GRM8: variants seen among roughly 807,000 people sequenced by gnomAD.
GRM8 encodes the protein glutamate metabotropic receptor 8.
In GRM8, 47 loss-of-function variants were observed where a neutral mutation model predicts 87.2. The observed-to-expected ratio is 0.54, with a 90% CI of 0.43 to 0.69. GRM8 has a LOEUF of 0.69. GRM8 is among the 30% of genes least tolerant of loss of function. GRM8 has a pLI of 0.00. For synonymous variants in GRM8, 396 were observed against 404.5 expected (o/e 0.98, Z 0.25); for missense variants, 1,019 against 1,139.2 (o/e 0.89, Z 1.52).
intron 3 of GRM8, among the ~76,000 whole-genome samples, chr7:127,077,253 A>G (rs1387911862): frequency 6.6e-6 from 1 of 152,204 alleles, no homozygotes; most frequent in Non-Finnish European, 1.5e-5. Context: ...GTGTTCAGCC[A>G]AGCAAATGTC....
At chr7:126,833,456 T>C (rs1034338935) in intron 6 of GRM8, among the ~76,000 whole-genome samples, 1 of 152,214 alleles carries the variant, frequency 6.6e-6, no homozygotes, top group African/African-American at 2.4e-5. Context: ...ATAGATCAGA[T>C]GGCTTAAATA....
At chr7:127,214,066 G>C (rs1389412767) in intron 2 of GRM8, among the ~76,000 whole-genome samples, 1 of 152,094 alleles carries the variant, frequency 6.6e-6, no homozygotes, top group Non-Finnish European at 1.5e-5. Flanking sequence ...TTCATATGTT[G>C]AGAGACAAAG....
rs1294094980 is a variant in GRM8 at position 127,053,799 on chromosome 7, G to GGT, written c.727+52696_727+52697insAC. On this transcript the variant is annotated intron_variant, in intron 3 of 10. Coordinates refer to ENST00000339582, the MANE Select transcript of GRM8 (RefSeq NM_000845.3). ...CGAGACTCTGTCTCAAAAAAAAAAA[G>GGT]GGGGGGGGGAATATACATTTCATCT... Among the ~76,000 whole-genome samples, 5 of 18,894 alleles carry GGT rather than the reference G, an allele frequency of 2.6e-4. 2 individuals are homozygous for GGT. The highest frequency in any genetic ancestry group is 7.6e-4 in the Non-Finnish European group (5 of 6,606). 12.4% of individuals were successfully genotyped at this position (18,894 alleles called of 152,430 possible).
intron 7 of GRM8, among the ~76,000 whole-genome samples, chr7:126,684,926 C>T (rs1231105324): frequency 6.6e-6 from 1 of 152,200 alleles, no homozygotes; most frequent in African/African-American, 2.4e-5. Context: ...TAATGTGTTA[C>T]TGATGGCAGC....
chr7:127,202,650 G>T (rs957514917), intron 2 of GRM8, among the ~76,000 whole-genome samples: 5 of 152,038 alleles, frequency 3.3e-5, no homozygotes, highest in East Asian at 1.9e-4. Flanking sequence ...ACTGGTAAAG[G>T]CTCTGAGACT....
chr7:126,912,156 C>T (rs1426222115), intron 3 of GRM8, among the ~76,000 whole-genome samples: 5 of 152,296 alleles, frequency 3.3e-5, no homozygotes, highest in African/African-American at 1.2e-4. Flanking sequence ...GAGATCCCGC[C>T]ACTGCACTCC....
intron 9 of GRM8, among the ~76,000 whole-genome samples, chr7:126,488,602 A>C (rs1421702159): frequency 1.3e-5 from 2 of 152,030 alleles, no homozygotes; most frequent in African/African-American, 2.4e-5. Context: ...TTTACAATAT[A>C]TAAATCATTC....
intron 8 of GRM8, among the ~76,000 whole-genome samples, chr7:126,582,812 TG>T (rs1452628096): frequency 6.6e-6 from 1 of 152,226 alleles, no homozygotes; most frequent in African/African-American, 2.4e-5. Flanking sequence ...ACTCAGGCTT[TG>T]TAGTTTCATG....
intron 8 of GRM8, among the ~76,000 whole-genome samples, chr7:126,576,933 ACAGG>A (rs906888966): frequency 6.6e-6 from 1 of 152,222 alleles, no homozygotes; most frequent in Non-Finnish European, 1.5e-5. Context: ...CTTCAAAAGC[ACAGG>A]TTGTGCAAGC....
chr7:126,746,463 C>A (rs765721944), intron 7 of GRM8, among the ~76,000 whole-genome samples: 6 of 151,166 alleles, frequency 4.0e-5, no homozygotes, highest in Non-Finnish European at 8.9e-5. Context: ...ATAACAGTAC[C>A]CTAAAAGTTA....
intron 8 of GRM8, among the ~76,000 whole-genome samples, chr7:126,595,176 G>A (rs1161050500): frequency 6.6e-6 from 1 of 151,746 alleles, no homozygotes; most frequent in Non-Finnish European, 1.5e-5. Flanking sequence ...TTTATTTTAG[G>A]TTCAGAGGTA....
chr7:126,960,866 C>G (rs1415797024), intron 3 of GRM8, among the ~76,000 whole-genome samples: 1 of 152,138 alleles, frequency 6.6e-6, no homozygotes, highest in Non-Finnish European at 1.5e-5. Context: ...AGTGGGATCT[C>G]AAATCCCCTT....
chr7:127,054,217 T>C (rs750910431), intron 3 of GRM8, among the ~76,000 whole-genome samples: 1 of 152,196 alleles, frequency 6.6e-6, no homozygotes, highest in Non-Finnish European at 1.5e-5. Context: ...AATTTCTTAC[T>C]ATTCACTGTT....
intron 7 of GRM8, among the ~76,000 whole-genome samples, chr7:126,737,373 C>T (rs186244625): frequency 6.6e-6 from 1 of 151,966 alleles, no homozygotes; most frequent in Non-Finnish European, 1.5e-5. Flanking sequence ...ATCAGCACTT[C>T]CAACTTACTG....
In GRM8 at chr7:126,769,850, C is replaced by G; in HGVS notation, c.1357+15G>C. ...CGCTTTTAATGTATTTAGACACACA[C>G]ACGTTGTAACTTACCATTAAAATTT... On this transcript the variant is annotated intron_variant, in intron 7 of 10. Coordinates refer to ENST00000339582, the MANE Select transcript of GRM8 (RefSeq NM_000845.3). 3.3e-6 allele frequency: 5 copies of G among 1,531,670 alleles called. No homozygotes were observed. The highest frequency in any genetic ancestry group is 4.5e-6 in the Non-Finnish European group (5 of 1,105,476). 94.9% of individuals were successfully genotyped at this position (1,531,670 alleles called of 1,614,324 possible).
chr7:126,763,720 A>C (rs1401643512), intron 7 of GRM8, among the ~76,000 whole-genome samples: 1 of 151,576 alleles, frequency 6.6e-6, no homozygotes, highest in African/African-American at 2.4e-5. Context: ...CCTTAAAATC[A>C]CTCTAGTTAT....
intron 9 of GRM8, among the ~76,000 whole-genome samples, chr7:126,523,421 G>T (rs1813300200): frequency 6.6e-6 from 1 of 151,742 alleles, no homozygotes; most frequent in Admixed American, 6.6e-5. Flanking sequence ...GTATCTATTG[G>T]CTACTCACAG....
intron 2 of GRM8, among the ~76,000 whole-genome samples, chr7:127,125,801 A>C (rs542314531): frequency 1.8e-3 from 127 of 68,766 alleles, no homozygotes; most frequent in Middle Eastern, 7.7e-3. Context: ...CACACACACA[A>C]ATAACTATTA....
intron 7 of GRM8, among the ~76,000 whole-genome samples, chr7:126,683,731 G>A (rs994523868): frequency 1.3e-5 from 2 of 152,102 alleles, no homozygotes; most frequent in African/African-American, 4.8e-5. Context: ...AAGATATTTT[G>A]TCCAGACAGG....
Sources: allele counts gnomAD v4.1 joint callset (sites outside exome capture counted in the v4.1 genomes callset), GRCh38; gene constraint gnomAD v4.1.1; transcripts MANE v1.5; gene names NCBI Gene and HGNC (gene_info 2026-07-23, HGNC 2026-07-21).